Variants in GATA4 observed in about 807,000 individuals in gnomAD.
The protein encoded by GATA4 is GATA binding protein 4.
Under a neutral mutation model 37.9 loss-of-function variants are expected in GATA4, and 7 were observed. The ratio of observed to expected loss-of-function variants is 0.18; its 90% CI spans 0.11 to 0.35. The LOEUF (loss-of-function observed/expected upper bound fraction) is 0.35. GATA4 is among the 10% of genes least tolerant of loss of function. GATA4 has a pLI of 1.00. For missense variants in GATA4, 647 were observed against 653.0 expected, an observed-to-expected ratio of 0.99 and a Z score of 0.10; for synonymous variants, 372 against 292.6, an observed-to-expected ratio of 1.27 and a Z score of -2.77.
intron 2 of GATA4, among the ~76,000 whole-genome samples, chr8:11,732,995 G>A (rs1801284625): frequency 6.6e-6 from 1 of 152,072 alleles, no homozygotes; most frequent in South Asian, 2.1e-4. Context: ...GGGTTGCCAG[G>A]AGTAAATTTC....
At position 11,708,293 on chromosome 8, in the gene GATA4, G is replaced by C; in HGVS notation, c.-20G>C. ...TGCGAGGGAGAGAGAGGACACCGAA[G>C]CCGGGAGCTCGCAGGGACCATGTAT... is the stretch of plus-strand genomic sequence containing the variant. On this transcript the variant is annotated 5_prime_UTR_variant, in exon 2 of 7. Transcript: ENST00000532059. The surrounding 1 kb of genome is among the most constrained non-coding windows in gnomAD (Gnocchi z 6.7). 9 of 1,569,156 alleles carry C rather than the reference G, an allele frequency of 5.7e-6. No homozygotes were observed. Among genetic ancestry groups the C allele is most frequent in the Non-Finnish European group, 7.7e-6 (9 of 1,164,608 alleles).
rs987984439 is a variant in GATA4 at position 11,709,456 on chromosome 8, G to A, written c.616+528G>A. The stretch of plus-strand genomic sequence containing the variant: ...GTAGCTGATGATTTTCCCGTCGGGG[G>A]TCTCACACCGAGAACAAAGGAGGGA... On this transcript the variant is annotated intron_variant, in intron 2 of 6. Coordinates refer to ENST00000532059, the MANE Select transcript of GATA4 (RefSeq NM_001308093.3). This position sits in a 1 kb window ranked among gnomAD's most constrained non-coding sequence, Gnocchi z 4.3. Among the ~76,000 whole-genome samples the A allele has an allele frequency of 6.6e-6, 1 of 152,120 alleles. No individual in the cohort carries two copies. Among genetic ancestry groups the A allele is most frequent in the Non-Finnish European group, 1.5e-5 (1 of 68,004 alleles).
intron 2 of GATA4, among the ~76,000 whole-genome samples, chr8:11,746,603 T>C (rs961138425): frequency 6.6e-6 from 1 of 152,234 alleles, no homozygotes; most frequent in Non-Finnish European, 1.5e-5. Flanking sequence ...AATGTCCTTC[T>C]GTAAATTCCT....
chr8:11,725,426 C>T (rs781546307), intron 2 of GATA4, among the ~76,000 whole-genome samples: 9 of 152,242 alleles, frequency 5.9e-5, no homozygotes, highest in African/African-American at 1.9e-4. Context: ...GTACTGGCCC[C>T]CACCTTCAGA....
At chr8:11,725,936 C>T (rs975848757) in intron 2 of GATA4, among the ~76,000 whole-genome samples, 1 of 152,186 alleles carries the variant, frequency 6.6e-6, no homozygotes, top group African/African-American at 2.4e-5. Flanking sequence ...TCATCTCCAG[C>T]CACAATTCCT....
intron 2 of GATA4, among the ~76,000 whole-genome samples, chr8:11,730,251 C>T (rs758015104): frequency 3.3e-5 from 5 of 152,200 alleles, no homozygotes; most frequent in Non-Finnish European, 5.9e-5. Flanking sequence ...AAGGATCCAG[C>T]TGTCTTCGCT....
At chr8:11,688,337 C>T (rs7459686), upstream of GATA4, among the ~76,000 whole-genome samples, 2 of 152,174 alleles carry the variant, frequency 1.3e-5, no homozygotes, top group African/African-American at 4.8e-5. Context: ...ATACAGAGCT[C>T]TATATTTGAC....
chr8:11,736,501 C>G (rs1013555756), intron 2 of GATA4, among the ~76,000 whole-genome samples: 2 of 152,200 alleles, frequency 1.3e-5, no homozygotes, highest in African/African-American at 4.8e-5. Context: ...GGGCGGACCC[C>G]GTTCACTGCA....
chr8:11,739,229 C>G (rs1446780473), intron 2 of GATA4, among the ~76,000 whole-genome samples: 1 of 152,222 alleles, frequency 6.6e-6, no homozygotes, highest in African/African-American at 2.4e-5. Flanking sequence ...AAGAGAAAAT[C>G]TGAAGAACAT....
intron 2 of GATA4, among the ~76,000 whole-genome samples, chr8:11,743,501 G>T (rs940961114): frequency 1.3e-5 from 2 of 152,244 alleles, no homozygotes; most frequent in African/African-American, 4.8e-5. Flanking sequence ...CGCCGATGGG[G>T]CGGCAGCAGT....
At position 11,728,482 on chromosome 8, in the gene GATA4, C is replaced by T. The variant is rs535841282; in HGVS notation, c.616+19554C>T. 2.0e-5 allele frequency among the ~76,000 whole-genome samples: 3 copies of T among 152,246 alleles called. No homozygotes were observed. The South Asian group carries it at 6.2e-4, about 32-fold the overall frequency. On this transcript the variant is annotated intron_variant, in intron 2 of 6. Transcript: ENST00000532059. ...CTTCTGGGCTCAAGCACTCCGCCTT[C>T]CTCAGCCTTCTAAGTAGCTGGGACT...
At chr8:11,752,101 TTAAAAA>T (rs1313520866) in intron 4 of GATA4, among the ~76,000 whole-genome samples, 2 of 152,172 alleles carry the variant, frequency 1.3e-5, no homozygotes, top group Admixed American at 6.5e-5. Context: ...GAGAAGAAAC[TTAAAAA>T]TAATAATCTA....
chr8:11,743,375 G>C (rs1483954519), intron 2 of GATA4, among the ~76,000 whole-genome samples: 1 of 152,288 alleles, frequency 6.6e-6, no homozygotes, highest in Admixed American at 6.5e-5. Context: ...CATCAACTCT[G>C]CCTCCAGGCA....
chr8:11,715,624 C>T (rs1178164378), intron 2 of GATA4, among the ~76,000 whole-genome samples: 1 of 151,936 alleles, frequency 6.6e-6, no homozygotes, highest in South Asian at 2.1e-4. Context: ...GCCTGTAATC[C>T]CAGCTATTCA....
intron 1 of GATA4, among the ~76,000 whole-genome samples, chr8:11,694,866 A>G (rs920897836): frequency 6.6e-6 from 1 of 152,074 alleles, no homozygotes; most frequent in Non-Finnish European, 1.5e-5. Context: ...TCTCTCTCTC[A>G]CTCACACACA....
chr8:11,723,245 T>C (rs1462698274), intron 2 of GATA4, among the ~76,000 whole-genome samples: 2 of 151,952 alleles, frequency 1.3e-5, no homozygotes, highest in Non-Finnish European at 2.9e-5. Context: ...TAGTCCCAGA[T>C]ACTTGGGAGG....
rs1043194565 is a variant in GATA4, at chr8:11,727,464, G to A, written c.616+18536G>A. 1.6e-4 allele frequency among the ~76,000 whole-genome samples: 24 copies of A among 152,102 alleles called. 1 individual carries two copies. The highest frequency in any genetic ancestry group is 5.1e-4 in the African/African-American group (21 of 41,408). ...TTTGCTTATAATCTTTATGGGGACC[G>A]CCAACTTTTTATTTGACAGTTGATA... On this transcript the variant is annotated intron_variant, in intron 2 of 6. Coordinates refer to ENST00000532059, the MANE Select transcript of GATA4 (RefSeq NM_001308093.3).
intron 1 of GATA4, among the ~76,000 whole-genome samples, chr8:11,698,508 C>A (rs1253470232): frequency 6.6e-6 from 1 of 152,166 alleles, no homozygotes; most frequent in Non-Finnish European, 1.5e-5. Context: ...CTGTCCTCCT[C>A]TGTCTCTCTC....
intron 2 of GATA4, among the ~76,000 whole-genome samples, chr8:11,733,158 A>G (rs553451664): frequency 8.9e-4 from 135 of 152,330 alleles, no homozygotes; most frequent in African/African-American, 3.2e-3. Flanking sequence ...ACATGAATAA[A>G]TGGAGAAAGA....
Sources: gnomAD v4.1 joint callset for allele counts (sites outside exome capture counted in the v4.1 genomes callset) on GRCh38, gnomAD v4.1.1 for gene constraint, Gnocchi (gnomAD v3.1) non-coding constraint, MANE v1.5 for transcripts, NCBI Gene and HGNC (gene_info 2026-07-23, HGNC 2026-07-21) for gene names.